Variants in SDK1 observed in about 807,000 individuals in gnomAD.
SDK1 encodes protein sidekick-1.
A neutral mutation model predicts 245.5 loss-of-function variants in SDK1; 157 were observed. The observed-to-expected ratio is 0.64, with a 90% CI of 0.56 to 0.73. The LOEUF (loss-of-function observed/expected upper bound fraction) is 0.73. SDK1 is among the 30% of genes least tolerant of loss of function. The pLI is 0.00. For synonymous variants in SDK1, 1,647 were observed against 1,278.5 expected (o/e 1.29, Z -6.15); for missense variants, 3,583 against 3,002.3 (o/e 1.19, Z -4.52).
At chr7:3,623,990 A>G (rs1782029016) in intron 2 of SDK1, among the ~76,000 whole-genome samples, 1 of 152,188 alleles carries the variant, frequency 6.6e-6, no homozygotes, top group South Asian at 2.1e-4. Context: ...TAAAAAGGCA[A>G]ACATTTCACA....
At chr7:4,095,365 A>G (rs770733526) in intron 22 of SDK1, among the ~76,000 whole-genome samples, 1 of 151,896 alleles carries the variant, frequency 6.6e-6, no homozygotes, top group East Asian at 1.9e-4. Context: ...CCTGAGGTCT[A>G]TGTGTAGCGG....
At chr7:3,985,935 C>T (rs1783796451) in intron 13 of SDK1, among the ~76,000 whole-genome samples, 1 of 152,122 alleles carries the variant, frequency 6.6e-6, no homozygotes, top group Non-Finnish European at 1.5e-5. Context: ...TCAGCAGTAC[C>T]TGATGTCTGA....
intron 35 of SDK1, among the ~76,000 whole-genome samples, chr7:4,193,305 T>C (rs1248467997): frequency 1.5e-5 from 2 of 135,502 alleles, no homozygotes; most frequent in Non-Finnish European, 3.1e-5. Context: ...CATATAAAAA[T>C]ATTAATATAT....
intron 1 of SDK1, among the ~76,000 whole-genome samples, chr7:3,453,446 A>G (rs759210773): frequency 3.9e-5 from 6 of 152,184 alleles, no homozygotes; most frequent in Non-Finnish European, 8.8e-5. Flanking sequence ...GGATCTTGAG[A>G]TGAAGAGATT....
At position 3,696,753 on chromosome 7, in the gene SDK1, G is replaced by C. The variant is rs112363405; in HGVS notation, c.713+54648G>C. On this transcript the variant is annotated intron_variant, in intron 4 of 44. Coordinates refer to ENST00000404826, the MANE Select transcript of SDK1 (RefSeq NM_152744.4). ...ATAATATATATTTAATTATTTTTGA[G>C]TTGTGTCAGTTCTTATATTAAATAG... 5.2e-3 allele frequency among the ~76,000 whole-genome samples: 786 copies of C among 152,156 alleles called. 10 individuals carry two copies. Among genetic ancestry groups the C allele is most frequent in the African/African-American group, 0.018 (744 of 41,514 alleles).
In SDK1 at chr7:4,267,770, C is replaced by T. The variant is rs1436200611; in HGVS notation, c.*2386C>T. ...CAAGCTCATGTTTTCCGTCTCCCCT[C>T]CACTCTTAGTAAACCTTGATCTGTA... On this transcript the variant is annotated 3_prime_UTR_variant, in exon 45 of 45. Transcript: ENST00000404826. The T allele has an allele frequency of 1.0e-6, 1 of 985,416 alleles. No homozygotes were observed. Among genetic ancestry groups the T allele is most frequent in the Non-Finnish European group, 1.2e-6 (1 of 830,006 alleles). 61.0% of individuals were successfully genotyped at this position (985,416 alleles called of 1,614,324 possible).
chr7:3,811,041 C>G (rs1779371054), intron 4 of SDK1, among the ~76,000 whole-genome samples: 1 of 152,172 alleles, frequency 6.6e-6, no homozygotes, highest in Non-Finnish European at 1.5e-5. Context: ...TAGAAGAGGA[C>G]AGTAGATGAC....
chr7:3,912,165 C>T (rs1212006960), intron 5 of SDK1, among the ~76,000 whole-genome samples: 1 of 152,112 alleles, frequency 6.6e-6, no homozygotes, highest in African/African-American at 2.4e-5. Flanking sequence ...CGAGGAGCTA[C>T]GTGATGAGCG....
intron 25 of SDK1, among the ~76,000 whole-genome samples, chr7:4,115,539 C>G (rs1168208510): frequency 6.6e-6 from 1 of 152,210 alleles, no homozygotes; most frequent in African/African-American, 2.4e-5. Context: ...ATATTTGGCT[C>G]CATTGTTTTT....
chr7:3,540,387 A>G (rs769993692), intron 1 of SDK1, among the ~76,000 whole-genome samples: 10 of 152,364 alleles, frequency 6.6e-5, no homozygotes, highest in Non-Finnish European at 1.3e-4. Flanking sequence ...AGTCTGGGTG[A>G]AAGAGTGATA....
At chr7:4,124,024 C>T (rs903007941) in intron 25 of SDK1, among the ~76,000 whole-genome samples, 15 of 152,224 alleles carry the variant, frequency 9.9e-5, no homozygotes, top group African/African-American at 1.4e-4. Flanking sequence ...CACTGACTCG[C>T]GTCCTGAGGC....
chr7:3,593,758 C>T (rs188088443), intron 1 of SDK1, among the ~76,000 whole-genome samples: 1 of 152,298 alleles, frequency 6.6e-6, no homozygotes, highest in East Asian at 1.9e-4. Context: ...CGCAAGAGGG[C>T]ATATGGCACA....
At chr7:4,113,182 C>A in intron 23 of SDK1, 107 bp from the exon 24 acceptor site, 1 of 1,179,382 alleles carries the variant, frequency 8.5e-7, no homozygotes, top group Non-Finnish European at 1.2e-6. Context: ...TATGAGTAGA[C>A]ACCTATCTGA....
chr7:3,900,274 CA>C (rs1322226129), intron 5 of SDK1, among the ~76,000 whole-genome samples: 1 of 152,198 alleles, frequency 6.6e-6, no homozygotes, highest in Non-Finnish European at 1.5e-5. Flanking sequence ...TGGTTCCCCT[CA>C]AATATTTAAC....
At chr7:3,808,098 C>A (rs1779295649) in intron 4 of SDK1, among the ~76,000 whole-genome samples, 1 of 152,166 alleles carries the variant, frequency 6.6e-6, no homozygotes, top group East Asian at 1.9e-4. Context: ...TTGATGTTAA[C>A]CCCTGGTTGC....
chr7:3,456,397 T>A (rs1045372083), intron 1 of SDK1, among the ~76,000 whole-genome samples: 4 of 152,224 alleles, frequency 2.6e-5, no homozygotes, highest in Non-Finnish European at 5.9e-5. Context: ...GGTTCAGTCA[T>A]TTTTCTCCCA....
At chr7:3,335,732 A>G (rs893503573) in intron 1 of SDK1, among the ~76,000 whole-genome samples, 10 of 152,048 alleles carry the variant, frequency 6.6e-5, no homozygotes, top group Non-Finnish European at 1.2e-4. Flanking sequence ...AATGAATAGT[A>G]ATCCAACCAG....
intron 5 of SDK1, among the ~76,000 whole-genome samples, chr7:3,917,085 T>C (rs1341192107): frequency 2.0e-5 from 3 of 152,246 alleles, no homozygotes; most frequent in Non-Finnish European, 4.4e-5. Context: ...CATAATTGTT[T>C]TCTATCAAAT....
At chr7:3,429,241 A>AAAAG (rs10693644) in intron 1 of SDK1, among the ~76,000 whole-genome samples, 114,671 of 151,478 alleles carry the variant, frequency 0.76, 43,707 homozygotes, top group African/African-American at 0.84. Flanking sequence ...ATATGATAAA[A>AAAAG]GGCTTTTTTT....
Sources: allele counts gnomAD v4.1 joint callset (sites outside exome capture counted in the v4.1 genomes callset), GRCh38; gene constraint gnomAD v4.1.1; transcripts MANE v1.5; gene names NCBI Gene and HGNC (gene_info 2026-07-23, HGNC 2026-07-21).